Variants in LITAF observed in about 807,000 individuals in gnomAD.
LITAF encodes lipopolysaccharide-induced tumor necrosis factor-alpha factor.
LITAF carries 9 observed loss-of-function variants against 14.5 expected under a neutral mutation model. The observed-to-expected ratio is 0.62, with a 90% confidence interval of 0.37 to 1.08. LITAF has a LOEUF of 1.08. LITAF is among the 50% of genes least tolerant of loss of function. The pLI is 0.01. For synonymous variants in LITAF, 98 were observed against 88.2 expected, an observed-to-expected ratio of 1.11 and a Z score of -0.62; for missense variants, 206 against 213.4, an observed-to-expected ratio of 0.97 and a Z score of 0.22.
chr16:11,628,325 G>C (rs1424320965), intron 3 of LITAF, among the ~76,000 whole-genome samples: 2 of 152,068 alleles, frequency 1.3e-5, no homozygotes, highest in Non-Finnish European at 2.9e-5. Context: ...TTCTCTTCCA[G>C]CTAAGAGTCC....
chr16:11,609,209 C>CTT (rs1233293198), intron 3 of LITAF, among the ~76,000 whole-genome samples: 4 of 139,234 alleles, frequency 2.9e-5, no homozygotes, highest in Non-Finnish European at 3.1e-5. Context: ...GAATAGTAGA[C>CTT]TTTTTTTTTT....
chr16:11,633,355 C>G (rs1007299591), intron 3 of LITAF, among the ~76,000 whole-genome samples: 1 of 152,160 alleles, frequency 6.6e-6, no homozygotes, highest in South Asian at 2.1e-4. Context: ...GGGTTTGAAC[C>G]AGAGCAACTC....
In LITAF at chr16:11,548,527, G is replaced by C. The variant is rs1487335528; in HGVS notation, c.*1110C>G. 1 of 453,634 alleles carries C rather than the reference G, an allele frequency of 2.2e-6. No individual in the cohort carries two copies. Among genetic ancestry groups the C allele is most frequent in the East Asian group, 7.0e-5 (1 of 14,376 alleles). The allele number at this position is 453,634 out of a possible 1,614,324, so 28.1% of individuals were successfully genotyped here. A position where few individuals can be genotyped will look rare whatever the true frequency, so the allele number is the denominator to read the frequency against. ...CCACTCTGAGAGTTCCATGATGAAG[G>C]TGTTTAAGAATCACATTAACCCCAA... On this transcript the variant is annotated 3_prime_UTR_variant, in exon 4 of 4. Coordinates refer to ENST00000622633, the MANE Select transcript of LITAF (RefSeq NM_001136472.2).
At chr16:11,576,490 A>G (rs1352294599) in intron 1 of LITAF, among the ~76,000 whole-genome samples, 1 of 150,920 alleles carries the variant, frequency 6.6e-6, no homozygotes, top group African/African-American at 2.4e-5. Context: ...ATAAGTAAAT[A>G]AATAAATAAA....
chr16:11,638,148 T>G (rs917864006), upstream of LITAF, among the ~76,000 whole-genome samples: 6 of 90,846 alleles, frequency 6.6e-5, no homozygotes, highest in Non-Finnish European at 1.3e-4. Flanking sequence ...ATAGATATGA[T>G]TAGCCCAGCT....
intron 3 of LITAF, among the ~76,000 whole-genome samples, chr16:11,551,361 C>G (rs1026256201): frequency 6.6e-6 from 1 of 152,064 alleles, no homozygotes; most frequent in Non-Finnish European, 1.5e-5. Context: ...CGTTATTGCC[C>G]CGCACCCCCG....
intron 3 of LITAF, among the ~76,000 whole-genome samples, chr16:11,550,807 C>A (rs561414261): frequency 6.6e-6 from 1 of 152,286 alleles, no homozygotes; most frequent in East Asian, 1.9e-4. Flanking sequence ...CACATACTTT[C>A]ATCCTGATGA....
upstream of LITAF, among the ~76,000 whole-genome samples, chr16:11,638,544 T>C (rs1597380188): frequency 6.6e-6 from 1 of 151,276 alleles, no homozygotes; most frequent in Admixed American, 6.6e-5. Context: ...TTACTAAAAA[T>C]ACAAAAATTA....
intron 3 of LITAF, among the ~76,000 whole-genome samples, chr16:11,623,251 G>A (rs992229568): frequency 6.6e-6 from 1 of 151,598 alleles, no homozygotes; most frequent in Non-Finnish European, 1.5e-5. Flanking sequence ...ATGAGCCACC[G>A]CGCCCGGCCG....
At position 11,632,086 on chromosome 16, in the gene LITAF, C is replaced by G. The variant is rs575989057; in HGVS notation, c.85+1447G>C. The stretch of plus-strand genomic sequence containing the variant: ...GTTTCACCGTGTTAACCAGGATGGT[C>G]TTGATCTCCTGACCTCGTGATCCAC... On this transcript the variant is annotated intron_variant, in intron 3 of 3. Transcript: ENST00000574848. The surrounding 1 kb of genome is among the most constrained non-coding windows in gnomAD (Gnocchi z 4.8). 2.0e-5 allele frequency among the ~76,000 whole-genome samples: 3 copies of G among 152,050 alleles called. No homozygotes were observed. The East Asian group carries it at 5.8e-4, about 30-fold the overall frequency.
chr16:11,573,701 C>CT (rs58695999), intron 1 of LITAF, among the ~76,000 whole-genome samples: 27,847 of 111,600 alleles, frequency 0.25, 3,979 homozygotes, highest in Non-Finnish European at 0.32. Context: ...AGAAGATATC[C>CT]TTTTTTTTTT....
intron 1 of LITAF, among the ~76,000 whole-genome samples, chr16:11,563,633 A>G (rs995421577): frequency 6.6e-6 from 1 of 152,082 alleles, no homozygotes; most frequent in African/African-American, 2.4e-5. Context: ...GATGGGTTCC[A>G]ACTCATTCTG....
chr16:11,552,254 G>A (rs2064192662), intron 3 of LITAF, among the ~76,000 whole-genome samples: 2 of 152,168 alleles, frequency 1.3e-5, no homozygotes, highest in African/African-American at 4.8e-5. Flanking sequence ...ACGTGGCCAG[G>A]TATAAGGAAG....
At chr16:11,629,820 G>A (rs1309927827) in intron 3 of LITAF, among the ~76,000 whole-genome samples, 1 of 152,196 alleles carries the variant, frequency 6.6e-6, no homozygotes, top group Non-Finnish European at 1.5e-5. Flanking sequence ...CGCAGCTCAT[G>A]GAGTGCGGTA....
intron 3 of LITAF, among the ~76,000 whole-genome samples, chr16:11,612,173 C>T (rs2141879615): frequency 6.6e-6 from 1 of 152,350 alleles, no homozygotes; most frequent in Non-Finnish European, 1.5e-5. Context: ...TCTCCTGGCA[C>T]TGCCCACACC....
At chr16:11,563,558 G>T (rs1424978228) in intron 1 of LITAF, among the ~76,000 whole-genome samples, 1 of 152,120 alleles carries the variant, frequency 6.6e-6, no homozygotes, top group African/African-American at 2.4e-5. Context: ...CCTAATACAT[G>T]AAAGTGCGTT....
intron 3 of LITAF, among the ~76,000 whole-genome samples, chr16:11,607,803 C>T (rs184994912): frequency 2.6e-5 from 4 of 152,238 alleles, no homozygotes; most frequent in Admixed American, 2.6e-4. Context: ...TTGTTATGGG[C>T]GCTTGCCTGT....
Position 11,551,640 on chromosome 16 carries a change from G to A in LITAF, c.377+1893C>T. 3 of 571,916 alleles carry A rather than the reference G, an allele frequency of 5.2e-6. No individual in the cohort carries two copies. The South Asian group carries it at 6.4e-5, about 12-fold the overall frequency. 35.4% of individuals were successfully genotyped at this position (571,916 alleles called of 1,614,324 possible). On this transcript the variant is annotated intron_variant, in intron 3 of 3. Coordinates refer to ENST00000622633, the MANE Select transcript of LITAF (RefSeq NM_001136472.2). ...GTTCAAGACCAGCCTGGGCAACATAGTAAAACCCCTGCTTCCACACACACA... is the reference window on the plus strand; with the variant it reads ...GTTCAAGACCAGCCTGGGCAACATAATAAAACCCCTGCTTCCACACACACA...
intron 3 of LITAF, among the ~76,000 whole-genome samples, chr16:11,617,677 G>A (rs1340573751): frequency 1.3e-5 from 2 of 151,680 alleles, no homozygotes; most frequent in East Asian, 1.9e-4. Context: ...CGCCCGCCTC[G>A]GCCTCCCAAA....
Sources: allele counts gnomAD v4.1 joint callset (sites outside exome capture counted in the v4.1 genomes callset), GRCh38; gene constraint gnomAD v4.1.1; non-coding constraint Gnocchi (gnomAD v3.1); transcripts MANE v1.5; gene names NCBI Gene and HGNC (gene_info 2026-07-23, HGNC 2026-07-21).